AVEN: variants seen among roughly 807,000 people sequenced by gnomAD.
AVEN encodes cell death regulator Aven.
Under a neutral mutation model 38.1 loss-of-function variants are expected in AVEN, and 41 were observed. That is an observed-to-expected ratio of 1.08 (90% CI 0.84 to 1.40). AVEN has a LOEUF of 1.40. Among genes scored for constraint, AVEN ranks in the 40% most tolerant of loss-of-function variants. The probability of loss-of-function intolerance (pLI) is 0.00; values close to 1 mark genes in which losing one functional copy is unlikely to be tolerated. For synonymous variants in AVEN, 206 were observed against 171.8 expected, an observed-to-expected ratio of 1.20 and a Z score of -1.56; for missense variants, 605 against 438.8, an observed-to-expected ratio of 1.38 and a Z score of -3.38.
chr15:34,017,529 C>T (rs1200328584), intron 1 of AVEN, among the ~76,000 whole-genome samples: 1 of 141,074 alleles, frequency 7.1e-6, no homozygotes, highest in African/African-American at 2.6e-5. Flanking sequence ...GTCATCCAGG[C>T]CGGAGTGCAG....
chr15:33,997,828 T>C (rs1277519359), intron 2 of AVEN, among the ~76,000 whole-genome samples: 3 of 152,210 alleles, frequency 2.0e-5, no homozygotes, highest in Non-Finnish European at 4.4e-5. Context: ...CGTCCGGTCT[T>C]TCTGGGCCTG....
At chr15:34,038,359 A>G (rs1043884799) in intron 1 of AVEN, among the ~76,000 whole-genome samples, 4 of 152,116 alleles carry the variant, frequency 2.6e-5, no homozygotes, top group African/African-American at 9.7e-5. Flanking sequence ...TTCCCTCCTA[A>G]TAACAGGAGC....
At chr15:34,071,482 C>G (rs1249326902) in intron 1 of AVEN, among the ~76,000 whole-genome samples, 1 of 151,914 alleles carries the variant, frequency 6.6e-6, no homozygotes, top group African/African-American at 2.4e-5. Context: ...CTCTATGTTG[C>G]CCAGGATGGT....
chr15:34,039,441 A>G (rs1234607774), upstream of AVEN, among the ~76,000 whole-genome samples: 2 of 152,222 alleles, frequency 1.3e-5, no homozygotes, highest in East Asian at 1.9e-4. Flanking sequence ...ATGTATTTGC[A>G]TAAGAAAAGG....
intron 1 of AVEN, among the ~76,000 whole-genome samples, chr15:34,027,535 A>AAAAAG (rs1159217134): frequency 1.3e-5 from 2 of 151,410 alleles, no homozygotes; most frequent in Admixed American, 1.3e-4. Flanking sequence ...TCTCAAAAAA[A>AAAAAG]AAAAAAGAAA....
intron 2 of AVEN, among the ~76,000 whole-genome samples, chr15:33,961,812 CAAAAAAAAAAAAAA>C (rs138076873): frequency 6.9e-5 from 5 of 71,966 alleles, no homozygotes; most frequent in Non-Finnish European, 9.6e-5. Context: ...GACTCTGTCT[CAAAAAAAAAAAAAA>C]AAAAAAAAAA....
chr15:34,024,618 C>T (rs61196776), intron 1 of AVEN, among the ~76,000 whole-genome samples: 13,830 of 151,376 alleles, frequency 0.091, 844 homozygotes, highest in East Asian at 0.33. Flanking sequence ...TTTGGGAGGC[C>T]GAGGCGGGCG....
At chr15:33,944,670 G>A (rs918071935) in intron 2 of AVEN, among the ~76,000 whole-genome samples, 8 of 152,042 alleles carry the variant, frequency 5.3e-5, no homozygotes, top group Admixed American at 2.6e-4. Flanking sequence ...TTAGCCGGGC[G>A]TGGTGGCCGG....
chr15:33,903,733 T>C (rs1398703283), intron 2 of AVEN, among the ~76,000 whole-genome samples: 5 of 150,346 alleles, frequency 3.3e-5, no homozygotes, highest in Non-Finnish European at 7.4e-5. Flanking sequence ...AAGAACATAC[T>C]TGTTTATAAG....
intron 2 of AVEN, among the ~76,000 whole-genome samples, chr15:34,070,319 A>G (rs994053397): frequency 1.3e-4 from 19 of 151,742 alleles, no homozygotes; most frequent in Admixed American, 2.6e-4. Flanking sequence ...AAGCCAAATC[A>G]CCCTGTCCTG....
At chr15:34,042,246 A>C (rs1193126849), upstream of AVEN, among the ~76,000 whole-genome samples, 1 of 152,232 alleles carries the variant, frequency 6.6e-6, no homozygotes, top group Non-Finnish European at 1.5e-5. Flanking sequence ...TTTTAAACAT[A>C]TGCCATTGCA....
chr15:33,965,005 A>G (rs1895332590), intron 2 of AVEN, among the ~76,000 whole-genome samples: 1 of 152,196 alleles, frequency 6.6e-6, no homozygotes, highest in Non-Finnish European at 1.5e-5. Flanking sequence ...ATAACAGGGT[A>G]AACTTGAACA....
intron 2 of AVEN, among the ~76,000 whole-genome samples, chr15:33,886,244 C>T (rs916319131): frequency 1.2e-4 from 18 of 152,270 alleles, no homozygotes; most frequent in African/African-American, 4.1e-4. Flanking sequence ...TGGGAGATAA[C>T]GGAATCATGG....
At chr15:33,975,969 T>A (rs985976273) in intron 2 of AVEN, among the ~76,000 whole-genome samples, 1 of 152,154 alleles carries the variant, frequency 6.6e-6, no homozygotes, top group Non-Finnish European at 1.5e-5. Flanking sequence ...GTCCCTTGCA[T>A]AATATTCTAG....
chr15:34,002,618 A>G (rs1897178922), intron 2 of AVEN, among the ~76,000 whole-genome samples: 1 of 152,202 alleles, frequency 6.6e-6, no homozygotes, highest in Non-Finnish European at 1.5e-5. Context: ...ATCCACTACT[A>G]TGTATATACC....
At chr15:33,962,194 A>G (rs1415751737) in intron 2 of AVEN, among the ~76,000 whole-genome samples, 2 of 152,218 alleles carry the variant, frequency 1.3e-5, no homozygotes, top group Non-Finnish European at 2.9e-5. Context: ...GGAAAAAAGG[A>G]CCTATTTAAA....
At chr15:33,930,619 A>G (rs920103513) in intron 2 of AVEN, among the ~76,000 whole-genome samples, 4 of 152,222 alleles carry the variant, frequency 2.6e-5, no homozygotes, top group African/African-American at 9.7e-5. Flanking sequence ...AATTAAGATT[A>G]TCATGTTCAA....
At chr15:33,964,719 A>G (rs1293183733) in intron 2 of AVEN, among the ~76,000 whole-genome samples, 1 of 152,218 alleles carries the variant, frequency 6.6e-6, no homozygotes, top group South Asian at 2.1e-4. Context: ...AATTTTGGAA[A>G]GAAAAATAAA....
chr15:34,018,063 ATAT>A (rs998157648), intron 1 of AVEN, among the ~76,000 whole-genome samples: 2 of 152,234 alleles, frequency 1.3e-5, no homozygotes, highest in African/African-American at 4.8e-5. Flanking sequence ...TGTATTTACT[ATAT>A]TATACTTTTT....
Sources: allele counts gnomAD v4.1 joint callset (sites outside exome capture counted in the v4.1 genomes callset), GRCh38; gene constraint gnomAD v4.1.1; transcripts MANE v1.5; gene names NCBI Gene and HGNC (gene_info 2026-07-23, HGNC 2026-07-21).